Variants in ROR1 observed in about 807,000 individuals in gnomAD.
ROR1 encodes the protein inactive tyrosine-protein kinase transmembrane receptor ROR1.
ROR1 carries 19 observed loss-of-function variants against 78.8 expected under a neutral mutation model. The observed-to-expected ratio is 0.24, with a 90% CI of 0.17 to 0.35. The LOEUF is 0.35. Ranked by LOEUF, ROR1 falls within the 10% of genes least tolerant of loss-of-function variation. ROR1 has a pLI of 1.00. For missense variants in ROR1, 917 were observed against 1,177.8 expected (o/e 0.78, Z 3.24); for synonymous variants, 386 against 433.6 (o/e 0.89, Z 1.36).
chr1:64,034,911 G>T (rs1431321812), intron 2 of ROR1, among the ~76,000 whole-genome samples: 1 of 148,830 alleles, frequency 6.7e-6, no homozygotes. Flanking sequence ...CATTAATCTC[G>T]AGGTAGATAC....
intron 1 of ROR1, among the ~76,000 whole-genome samples, chr1:63,970,406 A>G (rs1378553654): frequency 1.3e-5 from 2 of 152,240 alleles, no homozygotes; most frequent in Admixed American, 6.5e-5. Flanking sequence ...TCCGGATGAC[A>G]TTAGTCTGGA....
At chr1:64,092,284 A>G (rs1647205814) in intron 4 of ROR1, among the ~76,000 whole-genome samples, 1 of 152,244 alleles carries the variant, frequency 6.6e-6, no homozygotes, top group Non-Finnish European at 1.5e-5. Context: ...GGTTTCAAAA[A>G]TCTTCTGGGA....
chr1:64,100,085 G>C (rs1452096597), intron 4 of ROR1, among the ~76,000 whole-genome samples: 1 of 151,960 alleles, frequency 6.6e-6, no homozygotes, highest in Non-Finnish European at 1.5e-5. Context: ...CAGCTAACTG[G>C]CTATTTTAAA....
At chr1:64,072,624 G>A (rs949970097) in intron 4 of ROR1, among the ~76,000 whole-genome samples, 6 of 152,278 alleles carry the variant, frequency 3.9e-5, no homozygotes, top group Non-Finnish European at 7.4e-5. Flanking sequence ...CAGAAACCAC[G>A]CTAGTGTTTA....
intron 1 of ROR1, among the ~76,000 whole-genome samples, chr1:63,871,024 G>A (rs1645247657): frequency 6.6e-6 from 1 of 152,214 alleles, no homozygotes; most frequent in East Asian, 1.9e-4. Context: ...TCACTTGGTT[G>A]TGGTCGGTAT....
intron 1 of ROR1, among the ~76,000 whole-genome samples, chr1:63,912,265 T>G (rs1285436944): frequency 6.7e-6 from 1 of 148,768 alleles, no homozygotes; most frequent in Non-Finnish European, 1.5e-5. Context: ...ACCATTGTAC[T>G]CCAGCCTGTT....
At chr1:63,790,451 T>A (rs573028990) in intron 1 of ROR1, among the ~76,000 whole-genome samples, 42 of 152,356 alleles carry the variant, frequency 2.8e-4, no homozygotes, top group African/African-American at 8.2e-4. Context: ...CTGTGAGTTC[T>A]GTTTGCAGGA....
intron 1 of ROR1, among the ~76,000 whole-genome samples, chr1:63,950,494 A>T (rs959879596): frequency 1.3e-5 from 2 of 152,210 alleles, no homozygotes; most frequent in Admixed American, 6.5e-5. Flanking sequence ...GGTCACTTTC[A>T]TCGCCATCTT....
chr1:63,832,273 G>C (rs536552083), intron 1 of ROR1, among the ~76,000 whole-genome samples: 1 of 152,208 alleles, frequency 6.6e-6, no homozygotes, highest in East Asian at 1.9e-4. Flanking sequence ...CACATTTTCA[G>C]ATATCTCTAT....
chr1:64,134,337 A>C (rs10489903), intron 4 of ROR1, among the ~76,000 whole-genome samples: 10,055 of 152,190 alleles, frequency 0.066, 1,044 homozygotes, highest in African/African-American at 0.23. Flanking sequence ...TGATTTAACT[A>C]AGAGTAGTAT....
At chr1:63,885,206 C>T (rs1419585471) in intron 1 of ROR1, among the ~76,000 whole-genome samples, 3 of 152,050 alleles carry the variant, frequency 2.0e-5, no homozygotes, top group Admixed American at 2.0e-4. Context: ...CCTTATGTTT[C>T]AATGGTGACC....
chr1:64,156,269 T>G (rs1215205182), intron 7 of ROR1, among the ~76,000 whole-genome samples: 1 of 152,242 alleles, frequency 6.6e-6, no homozygotes, highest in Non-Finnish European at 1.5e-5. Flanking sequence ...AAAGGCATTA[T>G]TCAGAGGTTT....
chr1:63,882,944 A>G (rs1569858387), intron 1 of ROR1, among the ~76,000 whole-genome samples: 1 of 149,002 alleles, frequency 6.7e-6, no homozygotes, highest in Non-Finnish European at 1.5e-5. Flanking sequence ...GTCTTCAAAT[A>G]TTTTGAAGAT....
chr1:64,149,921 A>AAC (rs1649574309), intron 7 of ROR1, among the ~76,000 whole-genome samples: 1 of 152,060 alleles, frequency 6.6e-6, no homozygotes, highest in Non-Finnish European at 1.5e-5. Flanking sequence ...TTTTGCAACA[A>AAC]TCTGTCCATT....
intron 8 of ROR1, among the ~76,000 whole-genome samples, chr1:64,165,736 G>T (rs1160499358): frequency 8.1e-6 from 1 of 123,230 alleles, no homozygotes; most frequent in East Asian, 2.3e-4. Context: ...ATGGAATCTC[G>T]CTTTGTCACC....
chr1:63,931,685 A>C (rs547154195), intron 1 of ROR1, among the ~76,000 whole-genome samples: 1 of 152,206 alleles, frequency 6.6e-6, no homozygotes, highest in Admixed American at 6.5e-5. Context: ...TCTAGAGCCT[A>C]TTAGTCACTT....
chr1:63,968,646 C>G (rs1646095288), intron 1 of ROR1, among the ~76,000 whole-genome samples: 1 of 152,116 alleles, frequency 6.6e-6, no homozygotes, highest in African/African-American at 2.4e-5. Flanking sequence ...CTATTCTGCC[C>G]CCGAGTTTAT....
At chr1:64,016,220 A>T (rs1054173403) in intron 2 of ROR1, among the ~76,000 whole-genome samples, 2 of 152,184 alleles carry the variant, frequency 1.3e-5, no homozygotes, top group Non-Finnish European at 2.9e-5. Context: ...TGAGACTCCA[A>T]TGCTGCGTGA....
At chr1:63,837,018 T>C (rs1046999356) in intron 1 of ROR1, among the ~76,000 whole-genome samples, 3 of 152,098 alleles carry the variant, frequency 2.0e-5, no homozygotes, top group Admixed American at 6.6e-5. Context: ...TGAGCTTAAC[T>C]TGGCCAAAGC....
Sources: gnomAD v4.1 joint callset for allele counts (sites outside exome capture counted in the v4.1 genomes callset) on GRCh38, gnomAD v4.1.1 for gene constraint, MANE v1.5 for transcripts, NCBI Gene and HGNC (gene_info 2026-07-23, HGNC 2026-07-21) for gene names.